Variants in ZBTB16 observed in about 807,000 individuals in gnomAD.
The protein encoded by ZBTB16 is zinc finger and BTB domain containing 16, also known as zinc finger and BTB domain-containing protein 16.
ZBTB16 carries 8 observed loss-of-function variants against 56.8 expected under a neutral mutation model. The observed-to-expected ratio is 0.14, with a 90% CI of 0.08 to 0.25. ZBTB16 has a LOEUF of 0.25. ZBTB16 is among the 10% of genes least tolerant of loss of function. The pLI, the probability that ZBTB16 is intolerant of heterozygous loss-of-function variation, is 1.00. For missense variants in ZBTB16, 625 were observed against 903.0 expected (o/e 0.69, Z 3.95); for synonymous variants, 363 against 368.5 (o/e 0.98, Z 0.17).
intron 1 of ZBTB16, chr11:114,061,704 G>A (rs1006363494): frequency 6.6e-6 from 1 of 152,278 alleles, no homozygotes; most frequent in African/African-American, 2.4e-5. Flanking sequence ...CTGTAAGCGA[G>A]GTTTGGAGTC....
At chr11:114,175,000 C>T (rs752716309) in intron 3 of ZBTB16, among the ~76,000 whole-genome samples, 3 of 152,198 alleles carry the variant, frequency 2.0e-5, no homozygotes, top group Non-Finnish European at 4.4e-5. Context: ...CTCAGCTACC[C>T]ACTAGCTAAA....
rs895449742 is a variant in ZBTB16, at chr11:114,256,477, G to C, written c.*5922G>C. On this transcript the variant is annotated 3_prime_UTR_variant, in exon 7 of 7. Transcript: ENST00000335953. ...AGTCAGAACTCCATCCACCTCTCCT[G>C]ATACCAGGCCAGGTTCCTTTACTCC... is the stretch of plus-strand genomic sequence containing the variant. Among the ~76,000 whole-genome samples the C allele has an allele frequency of 1.2e-4, 19 of 152,170 alleles. No homozygotes were observed. Among genetic ancestry groups the C allele is most frequent in the African/African-American group, 4.1e-4 (17 of 41,418 alleles).
intron 2 of ZBTB16, among the ~76,000 whole-genome samples, chr11:114,113,387 C>A (rs238914): frequency 0.45 from 68,719 of 151,992 alleles, 16,158 homozygotes; most frequent in African/African-American, 0.57. Context: ...AGGTTGAGGA[C>A]ACTGGTTGGA....
intron 2 of ZBTB16, among the ~76,000 whole-genome samples, chr11:114,090,820 C>A (rs55736035): frequency 0.013 from 1,986 of 152,272 alleles, 16 homozygotes; most frequent in Middle Eastern, 0.024. Flanking sequence ...CTCCCAAACT[C>A]TTGGTTGGTT....
chr11:114,120,389 T>TCCCCTGGCTC lies in ZBTB16; in HGVS notation c.1269-35938_1269-35929dup, dbSNP rs546116475. Among the ~76,000 whole-genome samples, 13 of 152,170 alleles carry TCCCCTGGCTC rather than the reference T, an allele frequency of 8.5e-5. No homozygotes were observed. The East Asian group carries it at 1.4e-3, about 16-fold the overall frequency. On this transcript the variant is annotated intron_variant, in intron 2 of 6. Transcript: ENST00000335953. ...AGCGAGTTTTCCCTTCCACCAGACT[T>TCCCCTGGCTC]CCCCTGGCTCCCCCTGGCTTTGTTC...
rs559254074 is a variant in ZBTB16 at position 114,251,248 on chromosome 11, T to C, written c.*693T>C. Among the ~76,000 whole-genome samples the C allele has an allele frequency of 3.0e-3, 462 of 151,838 alleles. 6 individuals carry two copies. The highest frequency in any genetic ancestry group is 0.011 in the African/African-American group (447 of 41,412). On this transcript the variant is annotated 3_prime_UTR_variant, in exon 7 of 7. Coordinates refer to ENST00000335953, the MANE Select transcript of ZBTB16 (RefSeq NM_006006.6). ...TCCTGTCCTCCAAGTCCCAGGGGAG[T>C]CCCAGCCCCTCAGGGACCTGGCGGT...
At chr11:114,114,792 A>G (rs1328832885) in intron 2 of ZBTB16, among the ~76,000 whole-genome samples, 1 of 151,144 alleles carries the variant, frequency 6.6e-6, no homozygotes, top group Non-Finnish European at 1.5e-5. Flanking sequence ...CGATCCTCCT[A>G]TGTCAGCCTC....
intron 4 of ZBTB16, among the ~76,000 whole-genome samples, chr11:114,219,111 G>T (rs1320024571): frequency 6.6e-6 from 1 of 152,140 alleles, no homozygotes. Flanking sequence ...GGGGCAGAGT[G>T]GTGGATGCAC....
At chr11:114,160,973 T>A (rs1942573134) in intron 3 of ZBTB16, among the ~76,000 whole-genome samples, 1 of 152,166 alleles carries the variant, frequency 6.6e-6, no homozygotes, top group Non-Finnish European at 1.5e-5. Context: ...CCCTTCCCCT[T>A]CCTGTGTCCC....
At chr11:114,183,490 G>A (rs1183133881) in intron 3 of ZBTB16, among the ~76,000 whole-genome samples, 1 of 152,164 alleles carries the variant, frequency 6.6e-6, no homozygotes, top group Non-Finnish European at 1.5e-5. Flanking sequence ...CCACAGTGAT[G>A]GCTGTTTTCT....
At chr11:114,234,765 CAGACAG>C (rs1292794794) in intron 4 of ZBTB16, among the ~76,000 whole-genome samples, 3 of 152,228 alleles carry the variant, frequency 2.0e-5, no homozygotes, top group African/African-American at 4.8e-5. Flanking sequence ...TTTTAAGATG[CAGACAG>C]AGCCTTCCTT....
intron 2 of ZBTB16, among the ~76,000 whole-genome samples, chr11:114,138,124 G>T (rs1162434359): frequency 6.6e-6 from 1 of 152,210 alleles, no homozygotes; most frequent in Non-Finnish European, 1.5e-5. Context: ...CAAGTGGTGA[G>T]GGAGGGCAGG....
Position 114,139,559 on chromosome 11 carries a change from C to G in ZBTB16, c.1269-16778C>G, listed in dbSNP as rs920481509. The stretch of plus-strand genomic sequence containing the variant: ...TCTAAGAGGTTTCCTTCTCCCCCCC[C>G]AAAGACCAGCAGTTTGCTCAAACAG... On this transcript the variant is annotated intron_variant, in intron 2 of 6. Transcript: ENST00000335953. 3.9e-5 allele frequency among the ~76,000 whole-genome samples: 6 copies of G among 151,900 alleles called. No homozygotes were observed. The South Asian group carries it at 6.2e-4, about 16-fold the overall frequency.
intron 3 of ZBTB16, among the ~76,000 whole-genome samples, chr11:114,160,916 G>C (rs1175554107): frequency 1.3e-5 from 2 of 151,842 alleles, no homozygotes; most frequent in Non-Finnish European, 2.9e-5. Context: ...CCAAGGCTTT[G>C]CAAAGCTAGC....
At position 114,250,519 on chromosome 11, in the gene ZBTB16, G is replaced by T; in HGVS notation, c.1986G>T (p.Arg662Ser). 6.2e-7 allele frequency: 1 copy of T among 1,614,200 alleles called. No individual in the cohort carries two copies. The highest frequency in any genetic ancestry group is 8.5e-7 in the Non-Finnish European group (1 of 1,180,028). ...HKPEEIPPDW[R>S]IEKTYLYLCY... The stretch of plus-strand genomic sequence containing the variant: ...CCGAGGAGATCCCGCCCGACTGGAG[G>T]ATAGAGAAGACGTACCTCTACCTGT... Residue 662 changes from arginine to serine, a missense_variant, in exon 7 of 7, where the codon AGG (arginine) becomes AGT (serine). Physicochemically the swap from Arg to Ser is moderately radical, Grantham distance 110 (BLOSUM62 -1). Coordinates refer to ENST00000335953, the MANE Select transcript of ZBTB16 (RefSeq NM_006006.6). The surrounding 1 kb of genome is among the most constrained non-coding windows in gnomAD (Gnocchi z 6.0).
In ZBTB16 at chr11:114,233,066, T is replaced by TGCGCGCGC. The variant is rs71063553; in HGVS notation, c.1454-9092_1454-9085dup. ...CCACCCACTCTACTGCACATACGCA[T>TGCGCGCGC]GCGCGCGCGCGCGCGCACACACACA... is the stretch of plus-strand genomic sequence containing the variant. On this transcript the variant is annotated intron_variant, in intron 4 of 6. Coordinates refer to ENST00000335953, the MANE Select transcript of ZBTB16 (RefSeq NM_006006.6). Among the ~76,000 whole-genome samples, 411 of 94,160 alleles carry TGCGCGCGC rather than the reference T, an allele frequency of 4.4e-3. 2 individuals are homozygous for TGCGCGCGC. The highest frequency in any genetic ancestry group is 0.012 in the African/African-American group (322 of 25,810). The allele number at this position is 94,160 out of a possible 152,430, so 61.8% of individuals were successfully genotyped here.
intron 3 of ZBTB16, among the ~76,000 whole-genome samples, chr11:114,182,413 C>T (rs1245976086): frequency 6.6e-6 from 1 of 152,110 alleles, no homozygotes; most frequent in South Asian, 2.1e-4. Context: ...TGTATTTACT[C>T]GCTCTTTAAA....
At chr11:114,105,213 C>T (rs914523246) in intron 2 of ZBTB16, among the ~76,000 whole-genome samples, 3 of 151,828 alleles carry the variant, frequency 2.0e-5, no homozygotes, top group Admixed American at 6.6e-5. Flanking sequence ...CAGCCCAAAA[C>T]GCTGAATTAA....
chr11:114,119,497 A>T (rs902095433), intron 2 of ZBTB16, among the ~76,000 whole-genome samples: 9 of 151,812 alleles, frequency 5.9e-5, no homozygotes, highest in African/African-American at 2.2e-4. Flanking sequence ...TGCTATTCTC[A>T]ATGAGGCCCA....
Sources: gnomAD v4.1 joint callset for allele counts (sites outside exome capture counted in the v4.1 genomes callset) on GRCh38, gnomAD v4.1.1 for gene constraint, Gnocchi (gnomAD v3.1) non-coding constraint, MANE v1.5 for transcripts, NCBI Gene and HGNC (gene_info 2026-07-23, HGNC 2026-07-21) for gene names.